STK10: variants seen among roughly 807,000 people sequenced by gnomAD.
STK10 encodes serine/threonine kinase 10.
In STK10, 78 loss-of-function variants were observed where a neutral mutation model predicts 113.8. That is an observed-to-expected ratio of 0.69 (90% CI 0.57 to 0.83). The LOEUF (loss-of-function observed/expected upper bound fraction) is 0.83. Among genes scored for constraint, STK10 ranks in the 40% least tolerant of loss-of-function variants. STK10 has a pLI of 0.00. For missense variants in STK10, 1,109 were observed against 1,280.1 expected (o/e 0.87, Z 2.04); for synonymous variants, 465 against 494.7 (o/e 0.94, Z 0.80).
intron 2 of STK10, among the ~76,000 whole-genome samples, chr5:172,151,238 G>T (rs897225158): frequency 2.0e-5 from 3 of 152,214 alleles, no homozygotes; most frequent in African/African-American, 7.2e-5. Flanking sequence ...TGAGGCACAA[G>T]GACAGAAGGA....
chr5:172,073,122 C>T (rs1304242148), intron 12 of STK10, among the ~76,000 whole-genome samples: 3 of 151,718 alleles, frequency 2.0e-5, no homozygotes, highest in Non-Finnish European at 2.9e-5. Context: ...ATTACAGGTG[C>T]ATGCCACCAC....
In STK10 at chr5:172,044,902, T is replaced by C. The variant is rs1430330607; in HGVS notation, c.2887A>G (p.Ser963Gly). The C allele has an allele frequency of 1.2e-6, 2 of 1,614,036 alleles. No homozygotes were observed. The highest frequency in any genetic ancestry group is 1.1e-5 in the South Asian group (1 of 91,090). Residue 963 changes from serine to glycine, a missense_variant, in exon 19 of 19, where the codon AGT becomes GGT. By Grantham distance (56) the Ser-to-Gly change is moderately conservative. This residue lies in a region of STK10 where 885 missense variants were observed against 991.1 expected (regional missense o/e 0.89). Transcript: ENST00000176763. The surrounding 1 kb of genome is among the most constrained non-coding windows in gnomAD (Gnocchi z 4.5). ...GGTTGTTAAGAAGCATCCGCAGAAC[T>C]GTAGGGGAAGAACTTGGCGGCCTTG... is the stretch of plus-strand genomic sequence containing the variant. Reference protein sequence around the residue: ...PSKAAKFFPYSSADAS With the variant: ...PSKAAKFFPYGSADAS
rs1423365159 is a variant in STK10, at chr5:172,156,746, T to C, written c.199A>G (p.Ile67Val). Reference sequence around the variant, plus strand: ...AGCTCCTCCTCACTCTTGGTTTCAATGACTTTGGCCGCAGCCAAAGCACCC... The same window carrying C: ...AGCTCCTCCTCACTCTTGGTTTCAACGACTTTGGCCGCAGCCAAAGCACCC... ...ETGALAAAKV[I>V]ETKSEEELED... Residue 67 changes from isoleucine to valine, a missense_variant, in exon 2 of 19, where the codon ATT becomes GTT. Ile to Val is a conservative substitution (Grantham distance 29). Coordinates refer to ENST00000176763, the MANE Select transcript of STK10 (RefSeq NM_005990.4). The C allele has an allele frequency of 3.1e-6, 5 of 1,614,146 alleles. No homozygotes were observed. The highest frequency in any genetic ancestry group is 2.2e-5 in the East Asian group (1 of 44,878).
At chr5:172,085,839 T>C (rs1156246833) in intron 10 of STK10, among the ~76,000 whole-genome samples, 4 of 152,150 alleles carry the variant, frequency 2.6e-5, no homozygotes, top group Non-Finnish European at 5.9e-5. Flanking sequence ...GTGAGGCCTG[T>C]GTCCTAGTCC....
Position 172,093,725 on chromosome 5 carries a change from C to T in STK10, c.1241G>A (p.Arg414Gln), listed in dbSNP as rs933326922. Residue 414 changes from arginine (R) to glutamine (Q), a missense_variant, in exon 9 of 19, where the codon CGA becomes CAA. Transcript: ENST00000176763. This position sits in a 1 kb window ranked among gnomAD's most constrained non-coding sequence, Gnocchi z 4.1. ...LAVPVPLRKS[R>Q]PVSMDARIQV... Reference sequence around the variant, plus strand: ...AATTCTGGCATCCATTGACACGGGTCGGGACTTCCGCAGGGGCACAGGCAC... The same window carrying T: ...AATTCTGGCATCCATTGACACGGGTTGGGACTTCCGCAGGGGCACAGGCAC... The T allele has an allele frequency of 3.7e-6, 6 of 1,613,874 alleles. No homozygotes were observed. The highest frequency in any genetic ancestry group is 2.2e-5 in the East Asian group (1 of 44,888).
chr5:172,045,681 C>T (rs935045473), intron 18 of STK10, among the ~76,000 whole-genome samples: 1 of 151,990 alleles, frequency 6.6e-6, no homozygotes, highest in Admixed American at 6.6e-5. Flanking sequence ...TAAATTGGAT[C>T]CTACCAGAAA....
chr5:172,175,902 A>C (rs1212233364), intron 1 of STK10, among the ~76,000 whole-genome samples: 1 of 152,134 alleles, frequency 6.6e-6, no homozygotes, highest in Non-Finnish European at 1.5e-5. Flanking sequence ...TGGAGTGAGG[A>C]TATCCCCCTA....
intron 18 of STK10, among the ~76,000 whole-genome samples, chr5:172,047,942 A>G (rs1168751046): frequency 4.2e-5 from 5 of 120,044 alleles, no homozygotes; most frequent in African/African-American, 1.7e-4. Context: ...TTGCTCTGTC[A>G]CCCAGGCTGG....
At chr5:172,068,788 G>C (rs1432561543) in intron 12 of STK10, among the ~76,000 whole-genome samples, 1 of 151,508 alleles carries the variant, frequency 6.6e-6, no homozygotes, top group African/African-American at 2.4e-5. Flanking sequence ...CCTGTCTCTA[G>C]GCATGAGAAC....
chr5:172,097,322 G>A (rs1401676524), intron 7 of STK10, among the ~76,000 whole-genome samples: 1 of 152,250 alleles, frequency 6.6e-6, no homozygotes, highest in Admixed American at 6.5e-5. Context: ...TTACAGGCGT[G>A]AGCCACTGTG....
At chr5:172,149,578 C>G (rs1770166306) in intron 2 of STK10, among the ~76,000 whole-genome samples, 1 of 141,584 alleles carries the variant, frequency 7.1e-6, no homozygotes, top group African/African-American at 2.8e-5. Flanking sequence ...AGAGAGAGGG[C>G]AGGGGTTGGT....
chr5:172,069,713 T>C (rs1398643823), intron 12 of STK10, among the ~76,000 whole-genome samples: 4 of 152,336 alleles, frequency 2.6e-5, no homozygotes, highest in South Asian at 2.1e-4. Flanking sequence ...ACAATTACAG[T>C]TGGAGATGTT....
At chr5:172,134,462 T>C (rs1769813440) in intron 2 of STK10, among the ~76,000 whole-genome samples, 1 of 152,110 alleles carries the variant, frequency 6.6e-6, no homozygotes, top group South Asian at 2.1e-4. Context: ...AATAAAAATT[T>C]TGAGGACCTC....
chr5:172,057,762 C>T (rs975822467), intron 14 of STK10, among the ~76,000 whole-genome samples: 3 of 152,198 alleles, frequency 2.0e-5, no homozygotes, highest in Non-Finnish European at 2.9e-5. Context: ...AACCCAGCTC[C>T]ATCGGTGGGA....
intron 12 of STK10, among the ~76,000 whole-genome samples, chr5:172,068,728 G>C (rs1407406425): frequency 1.3e-5 from 2 of 152,024 alleles, no homozygotes; most frequent in African/African-American, 4.8e-5. Flanking sequence ...GGCTGAGGTG[G>C]GCGGATTGCT....
chr5:172,052,086 C>T (rs1012488589), intron 18 of STK10, among the ~76,000 whole-genome samples: 1 of 152,178 alleles, frequency 6.6e-6, no homozygotes, highest in South Asian at 2.1e-4. Context: ...ATCATTCCTG[C>T]AAGCAGGGAG....
chr5:172,091,820 C>T (rs1003526255), intron 9 of STK10, among the ~76,000 whole-genome samples: 20 of 152,220 alleles, frequency 1.3e-4, no homozygotes, highest in Non-Finnish European at 2.8e-4. Flanking sequence ...GTGTGAGCCA[C>T]GGCGCCCGGC....
intron 1 of STK10, among the ~76,000 whole-genome samples, chr5:172,166,395 T>A (rs763794220): frequency 2.0e-5 from 3 of 151,828 alleles, no homozygotes; most frequent in Non-Finnish European, 4.4e-5. Flanking sequence ...AGGAGATGAG[T>A]TCCCTCTCTC....
chr5:172,124,159 C>G (rs1289817643), intron 3 of STK10, among the ~76,000 whole-genome samples: 1 of 152,130 alleles, frequency 6.6e-6, no homozygotes, highest in East Asian at 1.9e-4. Flanking sequence ...AACTCCTGAG[C>G]TCAAAGTGAT....
Sources: gnomAD v4.1 joint callset for allele counts (sites outside exome capture counted in the v4.1 genomes callset) on GRCh38, gnomAD v4.1.1 for gene constraint, gnomAD v4.1.1 regional missense constraint, Gnocchi (gnomAD v3.1) non-coding constraint, MANE v1.5 for transcripts, NCBI Gene and HGNC (gene_info 2026-07-23, HGNC 2026-07-21) for gene names.